Variants in TIAM1 observed in about 807,000 individuals in gnomAD.
TIAM1 encodes the protein rho guanine nucleotide exchange factor TIAM1.
A neutral mutation model predicts 163.5 loss-of-function variants in TIAM1; 65 were observed. The ratio of observed to expected loss-of-function variants is 0.40; its 90% CI spans 0.33 to 0.49. TIAM1 has a LOEUF of 0.49. TIAM1 is among the 20% of genes least tolerant of loss of function. The probability of loss-of-function intolerance (pLI) is 0.77; values close to 1 mark genes in which losing one functional copy is unlikely to be tolerated. For synonymous variants in TIAM1, 833 were observed against 810.1 expected (o/e 1.03, Z -0.48); for missense variants, 1,789 against 2,044.7 (o/e 0.87, Z 2.41).
intron 24 of TIAM1, 28 bp from the exon 25 acceptor site, chr21:31,130,343 A>G: frequency 6.4e-7 from 1 of 1,570,890 alleles, no homozygotes; most frequent in Non-Finnish European, 8.8e-7. Context: ...CCAGCTGCAT[A>G]AGAAGAATCT....
At chr21:31,473,455 A>AC (rs2045825613) in intron 1 of TIAM1, among the ~76,000 whole-genome samples, 1 of 146,800 alleles carries the variant, frequency 6.8e-6, no homozygotes, top group Non-Finnish European at 1.5e-5. Flanking sequence ...AAAAAAAAAA[A>AC]AAAAAAAAAA....
chr21:31,354,392 T>C (rs1199405395), intron 2 of TIAM1, among the ~76,000 whole-genome samples: 1 of 152,100 alleles, frequency 6.6e-6, no homozygotes, highest in East Asian at 1.9e-4. Flanking sequence ...AAGAGGCAAA[T>C]AATATGCATA....
At chr21:31,341,933 A>G (rs1201392785) in intron 1 of TIAM1, among the ~76,000 whole-genome samples, 5 of 152,234 alleles carry the variant, frequency 3.3e-5, no homozygotes, top group Admixed American at 3.3e-4. Context: ...AATAAAATTG[A>G]TAATACATTA....
At position 31,344,150 on chromosome 21, in the gene TIAM1, A is replaced by G. The variant is rs1173879223; in HGVS notation, c.-381T>C. ...AATTCAAGCTCACCGCTGCTCAACAAGGCGCGCACGTTTCTCCCCGTCTGG... is the reference window on the plus strand; with the variant it reads ...AATTCAAGCTCACCGCTGCTCAACAGGGCGCGCACGTTTCTCCCCGTCTGG... On this transcript the variant is annotated 5_prime_UTR_variant, in exon 1 of 28. Transcript: ENST00000541036. 2.6e-5 allele frequency: 4 copies of G among 152,236 alleles called. No homozygotes were observed. Among genetic ancestry groups the G allele is most frequent in the East Asian group, 3.9e-4 (2 of 5,190 alleles). 9.4% of individuals were successfully genotyped at this position (152,236 alleles called of 1,614,324 possible).
intron 2 of TIAM1, among the ~76,000 whole-genome samples, chr21:31,428,745 T>A (rs1337793510): frequency 6.6e-6 from 1 of 151,726 alleles, no homozygotes; most frequent in Admixed American, 6.6e-5. Flanking sequence ...TAGCCAGGCA[T>A]AATGGCACAT....
At chr21:31,485,500 C>G (rs2046243118) in intron 1 of TIAM1, among the ~76,000 whole-genome samples, 1 of 151,902 alleles carries the variant, frequency 6.6e-6, no homozygotes. Flanking sequence ...AGAGAGGAGG[C>G]AGAGAGAAAG....
chr21:31,253,239 C>T (rs542819378), intron 4 of TIAM1, among the ~76,000 whole-genome samples: 3 of 152,170 alleles, frequency 2.0e-5, no homozygotes, highest in African/African-American at 4.8e-5. Context: ...AGGAAGAGAA[C>T]GGGAGGCTGA....
intron 2 of TIAM1, among the ~76,000 whole-genome samples, chr21:31,332,665 A>C (rs1020727136): frequency 6.6e-6 from 1 of 152,014 alleles, no homozygotes; most frequent in Non-Finnish European, 1.5e-5. Flanking sequence ...CATTTCTAGC[A>C]GTATCAACAC....
chr21:31,284,684 AATTTTTTTTTGT>A (rs2073723777), intron 2 of TIAM1, among the ~76,000 whole-genome samples: 2 of 151,842 alleles, frequency 1.3e-5, no homozygotes, highest in Non-Finnish European at 2.9e-5. Context: ...ACACCCGGCT[AATTTTTTTTTGT>A]ATTTTTTTTA....
intron 23 of TIAM1, among the ~76,000 whole-genome samples, chr21:31,134,645 G>C (rs2082548019): frequency 6.6e-6 from 1 of 152,092 alleles, no homozygotes; most frequent in East Asian, 1.9e-4. Flanking sequence ...CAAGTAGCTG[G>C]GATTACAGGC....
chr21:31,406,825 A>C (rs1478181685), intron 2 of TIAM1, among the ~76,000 whole-genome samples: 1 of 152,142 alleles, frequency 6.6e-6, no homozygotes. Flanking sequence ...AAAAATCAAC[A>C]AACTCCCAAA....
intron 2 of TIAM1, among the ~76,000 whole-genome samples, chr21:31,413,108 T>C (rs187149542): frequency 9.9e-5 from 15 of 152,234 alleles, no homozygotes; most frequent in African/African-American, 2.4e-4. Flanking sequence ...AACTAAAATA[T>C]AAAGAAACAA....
chr21:31,195,453 G>C (rs1207586728), intron 12 of TIAM1, 148 bp from the exon 13 acceptor site: 1 of 603,190 alleles, frequency 1.7e-6, no homozygotes. Context: ...CTCATTAAAA[G>C]TAAAAAGTAA....
At chr21:31,534,936 C>G (rs1187194131) in intron 1 of TIAM1, among the ~76,000 whole-genome samples, 2 of 152,098 alleles carry the variant, frequency 1.3e-5, no homozygotes, top group African/African-American at 4.8e-5. Context: ...GAAACCCCAT[C>G]TCTACAAAAA....
intron 25 of TIAM1, among the ~76,000 whole-genome samples, chr21:31,129,145 A>G (rs1453031721): frequency 1.3e-5 from 2 of 152,020 alleles, no homozygotes; most frequent in Non-Finnish European, 2.9e-5. Context: ...TTTCCATTTG[A>G]CTCTCCAGAG....
At chr21:31,133,567 C>T (rs1395017024) in intron 23 of TIAM1, among the ~76,000 whole-genome samples, 1 of 152,234 alleles carries the variant, frequency 6.6e-6, no homozygotes, top group African/African-American at 2.4e-5. Flanking sequence ...AAATCCCCAA[C>T]CTCAAAACCA....
chr21:31,227,008 G>A (rs1276142332), intron 6 of TIAM1, among the ~76,000 whole-genome samples: 1 of 145,466 alleles, frequency 6.9e-6, no homozygotes, highest in Non-Finnish European at 1.5e-5. Flanking sequence ...CCAGGCTGGA[G>A]TGCAGTGGCG....
intron 16 of TIAM1, among the ~76,000 whole-genome samples, chr21:31,158,548 G>A (rs1006676259): frequency 1.3e-5 from 2 of 152,116 alleles, no homozygotes; most frequent in Non-Finnish European, 2.9e-5. Flanking sequence ...GGTACCATAT[G>A]CATCATTACA....
chr21:31,535,109 G>T (rs575089573), intron 1 of TIAM1, among the ~76,000 whole-genome samples: 2 of 149,186 alleles, frequency 1.3e-5, no homozygotes, highest in Admixed American at 1.3e-4. Context: ...AAGGCTGAGC[G>T]CAGTGGCTCA....
Sources: gnomAD v4.1 joint callset for allele counts (sites outside exome capture counted in the v4.1 genomes callset) on GRCh38, gnomAD v4.1.1 for gene constraint, MANE v1.5 for transcripts, NCBI Gene and HGNC (gene_info 2026-07-23, HGNC 2026-07-21) for gene names.